Variants in PAG1 observed in about 807,000 individuals in gnomAD.
The protein encoded by PAG1 is phosphoprotein membrane anchor with glycosphingolipid microdomains 1.
A neutral mutation model predicts 31.7 loss-of-function variants in PAG1; 23 were observed. The observed-to-expected ratio is 0.73, with a 90% CI of 0.52 to 1.03. The LOEUF (loss-of-function observed/expected upper bound fraction) is 1.03, where lower values mean the gene tolerates loss of function less well. Among genes scored for constraint, PAG1 ranks in the 50% least tolerant of loss-of-function variants. PAG1 has a pLI of 0.00. For synonymous variants in PAG1, 214 were observed against 210.3 expected (o/e 1.02, Z -0.15); for missense variants, 473 against 540.7 (o/e 0.87, Z 1.24).
chr8:81,103,387 C>T (rs1809640955), intron 1 of PAG1, among the ~76,000 whole-genome samples: 1 of 152,176 alleles, frequency 6.6e-6, no homozygotes, highest in South Asian at 2.1e-4. Flanking sequence ...CAGGACACCT[C>T]ATTTTGGATC....
At chr8:81,101,331 A>G (rs1186555785) in intron 1 of PAG1, among the ~76,000 whole-genome samples, 1 of 152,214 alleles carries the variant, frequency 6.6e-6, no homozygotes, top group Non-Finnish European at 1.5e-5. Context: ...ACTACATAAT[A>G]AAGCAAAAGA....
intron 1 of PAG1, among the ~76,000 whole-genome samples, chr8:81,073,826 C>T (rs1033838011): frequency 6.6e-6 from 1 of 152,120 alleles, no homozygotes; most frequent in Non-Finnish European, 1.5e-5. Context: ...TAGGGACTGC[C>T]TGGGGAGTGG....
intron 2 of PAG1, among the ~76,000 whole-genome samples, chr8:81,048,570 TA>T (rs1164127903): frequency 6.6e-6 from 1 of 152,104 alleles, no homozygotes; most frequent in Non-Finnish European, 1.5e-5. Context: ...GGTTCCATAT[TA>T]GGAGAACAAA....
At chr8:81,054,401 A>C (rs960154688) in intron 2 of PAG1, among the ~76,000 whole-genome samples, 1 of 152,202 alleles carries the variant, frequency 6.6e-6, no homozygotes, top group Non-Finnish European at 1.5e-5. Flanking sequence ...GTTCAAGAGT[A>C]TATCAATATT....
At chr8:81,011,441 C>A (rs1036717986) in intron 3 of PAG1, among the ~76,000 whole-genome samples, 2 of 152,174 alleles carry the variant, frequency 1.3e-5, no homozygotes, top group Admixed American at 6.5e-5. Context: ...TACCTTTCAC[C>A]TTCCTCCATG....
chr8:81,069,722 C>T (rs953177957), intron 2 of PAG1, among the ~76,000 whole-genome samples: 1 of 150,574 alleles, frequency 6.6e-6, no homozygotes, highest in African/African-American at 2.5e-5. Flanking sequence ...CTATTAATCT[C>T]TCTATCAAGC....
intron 1 of PAG1, among the ~76,000 whole-genome samples, chr8:81,098,562 C>A (rs1049969838): frequency 1.4e-4 from 22 of 152,182 alleles, no homozygotes; most frequent in Admixed American, 1.3e-4. Flanking sequence ...ATGGCAGCTG[C>A]CATTGCTACC....
chr8:81,024,010 T>G (rs1311998266), intron 3 of PAG1, among the ~76,000 whole-genome samples: 1 of 152,134 alleles, frequency 6.6e-6, no homozygotes, highest in Non-Finnish European at 1.5e-5. Context: ...TTATAAAAAC[T>G]AATTAAAGCC....
intron 1 of PAG1, among the ~76,000 whole-genome samples, chr8:81,081,288 T>C (rs1281712149): frequency 1.3e-5 from 2 of 152,152 alleles, no homozygotes; most frequent in Non-Finnish European, 1.5e-5. Context: ...AAGTTCTTTA[T>C]ATATGATATA....
chr8:81,016,832 T>A (rs551273436), intron 3 of PAG1, among the ~76,000 whole-genome samples: 72 of 152,274 alleles, frequency 4.7e-4, no homozygotes, highest in Middle Eastern at 6.8e-3. Context: ...GTGCCCATTC[T>A]CACACCAGGC....
At chr8:81,092,635 A>G (rs946620512) in intron 1 of PAG1, among the ~76,000 whole-genome samples, 26 of 152,246 alleles carry the variant, frequency 1.7e-4, no homozygotes, top group African/African-American at 6.0e-4. Flanking sequence ...TCAACAAATG[A>G]AACAGCATTA....
chr8:81,014,874 T>C (rs2130696499), intron 3 of PAG1, among the ~76,000 whole-genome samples: 1 of 152,302 alleles, frequency 6.6e-6, no homozygotes, highest in Admixed American at 6.5e-5. Context: ...TAGAGGGCCC[T>C]TTTGTGGGCT....
chr8:81,100,522 C>A (rs1809592701), intron 1 of PAG1, among the ~76,000 whole-genome samples: 2 of 152,322 alleles, frequency 1.3e-5, no homozygotes, highest in African/African-American at 4.8e-5. Context: ...CCAGTAGCAT[C>A]CCCATCCCCA....
intron 2 of PAG1, chr8:81,037,268 G>T (rs553434941): frequency 6.6e-6 from 1 of 152,140 alleles, no homozygotes; most frequent in East Asian, 1.9e-4. Context: ...ACAGGACTCA[G>T]GTAAGACAGA....
In PAG1 at chr8:80,973,210, A is replaced by G. The variant is rs929058519; in HGVS notation, c.*3334T>C. On this transcript the variant is annotated 3_prime_UTR_variant, in exon 9 of 9. Coordinates refer to ENST00000220597, the MANE Select transcript of PAG1 (RefSeq NM_018440.4). ...ATGATGTAATTTATTCAGGACAGAA[A>G]AAAAAATATGTAGCCAACATTCTTG... 3 of 152,142 alleles carry G rather than the reference A, an allele frequency of 2.0e-5. No individual in the cohort carries two copies. The highest frequency in any genetic ancestry group is 4.4e-5 in the Non-Finnish European group (3 of 68,012). The allele number at this position is 152,142 out of a possible 1,614,324, so 9.4% of individuals were successfully genotyped here.
chr8:80,992,471 C>T (rs186659314), intron 4 of PAG1, among the ~76,000 whole-genome samples: 2 of 152,280 alleles, frequency 1.3e-5, no homozygotes, highest in Admixed American at 6.5e-5. Flanking sequence ...GTAACAGTTC[C>T]AGAATGTCCT....
At chr8:81,015,849 C>T (rs1172225435) in intron 3 of PAG1, among the ~76,000 whole-genome samples, 1 of 152,138 alleles carries the variant, frequency 6.6e-6, no homozygotes, top group Non-Finnish European at 1.5e-5. Context: ...GAAATGCTGT[C>T]TGTTTCTCTA....
chr8:81,016,713 G>A (rs969540857), intron 3 of PAG1, among the ~76,000 whole-genome samples: 3 of 152,086 alleles, frequency 2.0e-5, no homozygotes, highest in African/African-American at 7.2e-5. Flanking sequence ...CCTTTAAAAT[G>A]TGACTTTTTA....
chr8:81,074,435 C>A (rs1055034252), intron 1 of PAG1, among the ~76,000 whole-genome samples: 1 of 152,104 alleles, frequency 6.6e-6, no homozygotes, highest in African/African-American at 2.4e-5. Context: ...GAGGGGGTGA[C>A]AGACAAGGAA....
Sources: gnomAD v4.1 joint callset for allele counts (sites outside exome capture counted in the v4.1 genomes callset) on GRCh38, gnomAD v4.1.1 for gene constraint, MANE v1.5 for transcripts, NCBI Gene and HGNC (gene_info 2026-07-23, HGNC 2026-07-21) for gene names.